PCDHA4: variants seen among roughly 807,000 people sequenced by gnomAD.
PCDHA4 encodes protocadherin alpha-4.
In PCDHA4, 49 loss-of-function variants were observed where a neutral mutation model predicts 61.4. The ratio of observed to expected loss-of-function variants is 0.80; its 90% CI spans 0.63 to 1.01. The LOEUF is 1.01. Among genes scored for constraint, PCDHA4 ranks in the 50% least tolerant of loss-of-function variants. The pLI, the probability that PCDHA4 is intolerant of heterozygous loss-of-function variation, is 0.00. For missense variants in PCDHA4, 1,254 were observed against 1,235.8 expected, an observed-to-expected ratio of 1.01 and a Z score of -0.22; for synonymous variants, 590 against 550.3, an observed-to-expected ratio of 1.07 and a Z score of -1.01.
At chr5:140,857,302 G>A in intron 1 of PCDHA4, 1 of 1,598,652 alleles carries the variant, frequency 6.3e-7, no homozygotes, top group South Asian at 1.1e-5. Flanking sequence ...AGAGGGTGTC[G>A]GCCTATGAGC....
intron 1 of PCDHA4, chr5:140,856,228 G>A: frequency 6.3e-7 from 1 of 1,598,094 alleles, no homozygotes; most frequent in Middle Eastern, 1.7e-4. Context: ...AGCTGGTGCA[G>A]CGCCTGTTCC....
chr5:140,843,136 G>A lies in PCDHA4; in HGVS notation c.2385+33564G>A, dbSNP rs2150353697. 16 of 1,596,026 alleles carry A rather than the reference G, an allele frequency of 1.0e-5. 4 individuals are homozygous for A. Among genetic ancestry groups the A allele is most frequent in the South Asian group, 2.2e-5 (2 of 90,518 alleles). ...TGGACGCCGACTCGGGCTACAACGCGTGGCTTTCGTATGAGCTGCAGCCAG... is the reference window on the plus strand; with the variant it reads ...TGGACGCCGACTCGGGCTACAACGCATGGCTTTCGTATGAGCTGCAGCCAG... On this transcript the variant is annotated intron_variant, in intron 1 of 3. Transcript: ENST00000530339.
At chr5:140,980,152 C>T (rs1554241475) in intron 2 of PCDHA4, among the ~76,000 whole-genome samples, 1 of 152,040 alleles carries the variant, frequency 6.6e-6, no homozygotes, top group Admixed American at 6.6e-5. Flanking sequence ...CATGCATATA[C>T]CAGAATATTA....
At chr5:140,926,519 C>T (rs2083298131) in intron 1 of PCDHA4, 1 of 204,364 alleles carries the variant, frequency 4.9e-6, no homozygotes, top group Non-Finnish European at 9.7e-6. Flanking sequence ...AGGCTCCGCC[C>T]TGCGCCCGCA....
At chr5:140,875,049 T>C (rs2055250146) in intron 1 of PCDHA4, among the ~76,000 whole-genome samples, 1 of 152,252 alleles carries the variant, frequency 6.6e-6, no homozygotes, top group Non-Finnish European at 1.5e-5. Context: ...ATTTCTACTT[T>C]GAAGCAGAAA....
chr5:140,842,589 T>G, intron 1 of PCDHA4: 1 of 1,529,168 alleles, frequency 6.5e-7, no homozygotes, highest in Non-Finnish European at 8.9e-7. Flanking sequence ...GCCTATGAGT[T>G]GGTGGTAACC....
At chr5:140,966,593 A>G in intron 1 of PCDHA4, 1 of 595,648 alleles carries the variant, frequency 1.7e-6, no homozygotes, top group Non-Finnish European at 2.6e-6. Context: ...CGGTGGGGCC[A>G]GGAGCCCTTG....
chr5:140,978,703 G>C (rs556167285), intron 1 of PCDHA4, among the ~76,000 whole-genome samples: 1 of 152,328 alleles, frequency 6.6e-6, no homozygotes, highest in East Asian at 1.9e-4. Context: ...AGCCAAAGGT[G>C]GCCTTTACAA....
intron 1 of PCDHA4, among the ~76,000 whole-genome samples, chr5:140,880,546 T>C (rs919094204): frequency 7.9e-5 from 12 of 152,198 alleles, no homozygotes; most frequent in Non-Finnish European, 1.8e-4. Flanking sequence ...GAAAGTGAAC[T>C]GATGGAAATG....
intron 1 of PCDHA4, chr5:140,926,803 C>T (rs2083562434): frequency 6.9e-7 from 1 of 1,454,300 alleles, no homozygotes; most frequent in Non-Finnish European, 9.0e-7. Flanking sequence ...GTGCTCTTCC[C>T]CGCGGCTCGT....
chr5:140,980,762 T>C (rs1293384140), intron 2 of PCDHA4, among the ~76,000 whole-genome samples: 2 of 152,090 alleles, frequency 1.3e-5, no homozygotes, highest in Non-Finnish European at 2.9e-5. Context: ...AGAAATAAAA[T>C]AAAAATTGAA....
intron 1 of PCDHA4, among the ~76,000 whole-genome samples, chr5:140,957,407 ATTG>A (rs2095357259): frequency 6.6e-6 from 1 of 152,156 alleles, no homozygotes; most frequent in Non-Finnish European, 1.5e-5. Context: ...ATTTATTATT[ATTG>A]TTGTTAATCT....
intron 1 of PCDHA4, chr5:140,966,328 C>T: frequency 5.1e-6 from 2 of 392,484 alleles, no homozygotes; most frequent in Non-Finnish European, 9.0e-6. Context: ...CGCTGGGATC[C>T]GGCAGGTCCA....
At chr5:141,003,870 C>A (rs1345140541) in intron 3 of PCDHA4, among the ~76,000 whole-genome samples, 8 of 152,148 alleles carry the variant, frequency 5.3e-5, no homozygotes, top group Admixed American at 3.9e-4. Flanking sequence ...GTCTGAAATC[C>A]TCCTTCTAGC....
intron 1 of PCDHA4, among the ~76,000 whole-genome samples, chr5:140,935,364 G>A (rs1480423579): frequency 2.0e-5 from 3 of 152,008 alleles, no homozygotes; most frequent in African/African-American, 4.8e-5. Flanking sequence ...TTTCATTAAC[G>A]TCAACAGAAT....
intron 1 of PCDHA4, among the ~76,000 whole-genome samples, chr5:140,919,778 A>G (rs1252402940): frequency 2.6e-5 from 4 of 152,170 alleles, no homozygotes; most frequent in Non-Finnish European, 5.9e-5. Context: ...TGTTACACAT[A>G]TTACATCTTG....
intron 1 of PCDHA4, chr5:140,871,434 A>G (rs781977570): frequency 1.9e-6 from 3 of 1,612,514 alleles, no homozygotes; most frequent in Non-Finnish European, 2.5e-6. Context: ...GTCTTCCTCT[A>G]GGTCTGAATA....
At chr5:140,879,084 G>T (rs927310887) in intron 1 of PCDHA4, among the ~76,000 whole-genome samples, 1 of 152,174 alleles carries the variant, frequency 6.6e-6, no homozygotes, top group Non-Finnish European at 1.5e-5. Flanking sequence ...AGATAAGTAG[G>T]AACAACTGCA....
chr5:140,985,226 C>T (rs1319001576), intron 3 of PCDHA4, among the ~76,000 whole-genome samples: 6 of 152,126 alleles, frequency 3.9e-5, no homozygotes, highest in Admixed American at 6.5e-5. Flanking sequence ...CGTGAGCCAC[C>T]GCGCCTGGCC....
Sources: allele counts gnomAD v4.1 joint callset (sites outside exome capture counted in the v4.1 genomes callset), GRCh38; gene constraint gnomAD v4.1.1; transcripts MANE v1.5; gene names NCBI Gene and HGNC (gene_info 2026-07-23, HGNC 2026-07-21).